PLEKHA7: variants seen among roughly 807,000 people sequenced by gnomAD.
PLEKHA7 encodes pleckstrin homology domain containing A7.
A neutral mutation model predicts 170.0 loss-of-function variants in PLEKHA7; 104 were observed. That is an observed-to-expected ratio of 0.61 (90% confidence interval 0.52 to 0.72). The LOEUF (loss-of-function observed/expected upper bound fraction) is 0.72. Among genes scored for constraint, PLEKHA7 ranks in the 30% least tolerant of loss-of-function variants. The probability of loss-of-function intolerance (pLI) is 0.00; values close to 1 mark genes in which losing one functional copy is unlikely to be tolerated. For synonymous variants in PLEKHA7, 648 were observed against 660.8 expected, an observed-to-expected ratio of 0.98 and a Z score of 0.30; for missense variants, 1,615 against 1,671.7, an observed-to-expected ratio of 0.97 and a Z score of 0.59.
intron 17 of PLEKHA7, among the ~76,000 whole-genome samples, chr11:16,797,076 A>C (rs888627058): frequency 1.3e-5 from 2 of 152,200 alleles, no homozygotes; most frequent in African/African-American, 2.4e-5. Flanking sequence ...TATAAACTCC[A>C]AAAAAATACA....
chr11:16,836,914 C>T (rs572383335), intron 9 of PLEKHA7, among the ~76,000 whole-genome samples: 2 of 152,020 alleles, frequency 1.3e-5, no homozygotes, highest in African/African-American at 4.8e-5. Flanking sequence ...ACCTCTGCCT[C>T]CTGAGTTCAA....
intron 3 of PLEKHA7, among the ~76,000 whole-genome samples, chr11:16,901,572 T>A (rs1279703636): frequency 4.6e-5 from 7 of 152,124 alleles, no homozygotes; most frequent in Admixed American, 3.9e-4. Context: ...ACAATTCACT[T>A]AAAGTGTACA....
chr11:16,916,450 G>C (rs1858686581), intron 3 of PLEKHA7, among the ~76,000 whole-genome samples: 1 of 152,168 alleles, frequency 6.6e-6, no homozygotes, highest in Non-Finnish European at 1.5e-5. Context: ...TACAAGCTGT[G>C]TGCTGTTGGG....
rs565155304 is a variant in PLEKHA7 at position 16,980,915 on chromosome 11, G to A, written c.221+33074C>T. On this transcript the variant is annotated intron_variant, in intron 3 of 26. Transcript: ENST00000531066. Reference sequence around the variant, plus strand: ...AAACAACAACAAACCAGCAAGATACGGCCCAATGATGAAGGGTCTCACATA... The same window carrying A: ...AAACAACAACAAACCAGCAAGATACAGCCCAATGATGAAGGGTCTCACATA... Among the ~76,000 whole-genome samples, 8 of 132,284 alleles carry A rather than the reference G, an allele frequency of 6.0e-5. No individual in the cohort carries two copies. In the East Asian group the frequency reaches 1.2e-3, roughly 20 times the overall value. 86.8% of individuals were successfully genotyped at this position (132,284 alleles called of 152,430 possible).
intron 3 of PLEKHA7, among the ~76,000 whole-genome samples, chr11:16,940,810 G>A (rs1860646750): frequency 6.6e-6 from 1 of 152,004 alleles, no homozygotes; most frequent in African/African-American, 2.4e-5. Flanking sequence ...AAACAAAAGG[G>A]GAGGAGTGAT....
intron 3 of PLEKHA7, among the ~76,000 whole-genome samples, chr11:16,906,540 C>G (rs1478792505): frequency 2.9e-5 from 4 of 138,922 alleles, no homozygotes; most frequent in Non-Finnish European, 4.5e-5. Context: ...CCAGGCTGGT[C>G]TCCAGCTCCT....
chr11:16,921,895 G>A (rs764485456), intron 3 of PLEKHA7, among the ~76,000 whole-genome samples: 81 of 152,352 alleles, frequency 5.3e-4, no homozygotes, highest in African/African-American at 1.1e-3. Context: ...CTAGAGTCAC[G>A]CAGCTAAAAT....
chr11:16,799,251 A>T (rs1051298722), intron 17 of PLEKHA7, among the ~76,000 whole-genome samples: 2 of 152,252 alleles, frequency 1.3e-5, no homozygotes, highest in African/African-American at 4.8e-5. Flanking sequence ...ATAATGTGTA[A>T]GTGTGATCCT....
intron 6 of PLEKHA7, 42 bp downstream of exon 6, chr11:16,854,847 A>G: frequency 6.4e-7 from 1 of 1,557,906 alleles, no homozygotes; most frequent in Non-Finnish European, 8.9e-7. Context: ...GAACTCAGCC[A>G]GAGCCATTTC....
chr11:16,899,950 G>T (rs1296286226), intron 3 of PLEKHA7, among the ~76,000 whole-genome samples: 1 of 152,206 alleles, frequency 6.6e-6, no homozygotes, highest in Non-Finnish European at 1.5e-5. Flanking sequence ...GGTGCTAGGG[G>T]TAGGCAGGGA....
At chr11:16,785,202 T>A (rs776794574) in intron 24 of PLEKHA7, among the ~76,000 whole-genome samples, 1 of 152,186 alleles carries the variant, frequency 6.6e-6, no homozygotes, top group Non-Finnish European at 1.5e-5. Flanking sequence ...TGGCACCACC[T>A]CTTAAGACAG....
At chr11:16,830,601 T>C (rs1851031057) in intron 9 of PLEKHA7, among the ~76,000 whole-genome samples, 1 of 152,214 alleles carries the variant, frequency 6.6e-6, no homozygotes, top group Non-Finnish European at 1.5e-5. Flanking sequence ...AAATGAAGGA[T>C]TCTTCAACTC....
At chr11:16,828,208 G>A (rs1392417268) in intron 9 of PLEKHA7, among the ~76,000 whole-genome samples, 3 of 152,184 alleles carry the variant, frequency 2.0e-5, no homozygotes, top group African/African-American at 7.2e-5. Context: ...ATGTGTCGTG[G>A]GAAGGACCTG....
At chr11:16,987,016 C>T (rs559504941) in intron 3 of PLEKHA7, among the ~76,000 whole-genome samples, 3 of 152,318 alleles carry the variant, frequency 2.0e-5, no homozygotes, top group South Asian at 2.1e-4. Flanking sequence ...CCAGGGAAGG[C>T]GGAGAGGAAG....
intron 3 of PLEKHA7, among the ~76,000 whole-genome samples, chr11:16,977,793 C>T (rs1264942049): frequency 2.6e-5 from 4 of 152,176 alleles, no homozygotes; most frequent in East Asian, 1.9e-4. Flanking sequence ...GTCAAATCCT[C>T]GCTTTGTCAG....
At chr11:16,982,206 G>A (rs1302378831) in intron 3 of PLEKHA7, among the ~76,000 whole-genome samples, 2 of 152,248 alleles carry the variant, frequency 1.3e-5, no homozygotes, top group Non-Finnish European at 2.9e-5. Context: ...TGCCCTGGAA[G>A]GGCCCCAAGC....
In PLEKHA7 at chr11:16,956,480, A is replaced by G. The variant is rs148375010; in HGVS notation, c.221+57509T>C. On this transcript the variant is annotated intron_variant, in intron 3 of 26. Transcript: ENST00000531066. ...CCCAAAGTCACATAACACAGCAAAG[A>G]TAGACTCTCAGTTTAGTGTTCCTCC... is the stretch of plus-strand genomic sequence containing the variant. Among the ~76,000 whole-genome samples the G allele has an allele frequency of 2.0e-5, 3 of 152,322 alleles. No homozygotes were observed. In the East Asian group the frequency reaches 5.8e-4, roughly 29 times the overall value.
At chr11:16,954,257 T>G (rs1239465481) in intron 3 of PLEKHA7, among the ~76,000 whole-genome samples, 1 of 152,174 alleles carries the variant, frequency 6.6e-6, no homozygotes, top group Admixed American at 6.5e-5. Flanking sequence ...GGCTCACACC[T>G]GTAATCTCAG....
intron 3 of PLEKHA7, among the ~76,000 whole-genome samples, chr11:16,907,056 TC>T (rs1489154782): frequency 7.4e-6 from 1 of 135,560 alleles, no homozygotes. Flanking sequence ...CGGCAGCCAC[TC>T]CGTCTGGGAA....
Sources: allele counts gnomAD v4.1 joint callset (sites outside exome capture counted in the v4.1 genomes callset), GRCh38; gene constraint gnomAD v4.1.1; transcripts MANE v1.5; gene names NCBI Gene and HGNC (gene_info 2026-07-23, HGNC 2026-07-21).